The following COL27A1 variants were observed in gnomAD, a reference collection of about 807,000 sequenced individuals.
The protein encoded by COL27A1 is collagen type XXVII alpha 1 chain, also known as collagen alpha-1(XXVII) chain.
Under a neutral mutation model 251.3 loss-of-function variants are expected in COL27A1, and 106 were observed. That is an observed-to-expected ratio of 0.42 (90% CI 0.36 to 0.50). The LOEUF (loss-of-function observed/expected upper bound fraction) is 0.50, where lower values mean the gene tolerates loss of function less well. Among genes scored for constraint, COL27A1 ranks in the 20% least tolerant of loss-of-function variants. The probability of loss-of-function intolerance (pLI) is 0.00; values close to 1 mark genes in which losing one functional copy is unlikely to be tolerated. For synonymous variants in COL27A1, 1,000 were observed against 986.3 expected, an observed-to-expected ratio of 1.01 and a Z score of -0.26; for missense variants, 2,325 against 2,522.8, an observed-to-expected ratio of 0.92 and a Z score of 1.68.
At chr9:114,252,148 C>T (rs1215508581) in intron 25 of COL27A1, among the ~76,000 whole-genome samples, 1 of 152,214 alleles carries the variant, frequency 6.6e-6, no homozygotes. Context: ...AGTTATGTCT[C>T]TGATTCTCTA....
intron 7 of COL27A1, among the ~76,000 whole-genome samples, chr9:114,197,096 G>A (rs1049815263): frequency 2.0e-5 from 3 of 152,210 alleles, no homozygotes; most frequent in Non-Finnish European, 2.9e-5. Flanking sequence ...TGCAGACTAA[G>A]GATCGATTGC....
chr9:114,273,515 C>G (rs1475146389), intron 36 of COL27A1: 2 of 152,308 alleles, frequency 1.3e-5, no homozygotes, highest in Non-Finnish European at 2.9e-5. Flanking sequence ...TCAGCAGGCC[C>G]AGCTTGAAGC....
chr9:114,292,450 A>T (rs1333332711), intron 49 of COL27A1, among the ~76,000 whole-genome samples: 2 of 152,150 alleles, frequency 1.3e-5, no homozygotes, highest in African/African-American at 4.8e-5. Context: ...CAGAATGAGG[A>T]GAGGGTGATC....
intron 9 of COL27A1, 148 bp downstream of exon 9, chr9:114,205,960 G>A (rs780713721): frequency 3.1e-5 from 22 of 721,040 alleles, no homozygotes; most frequent in Non-Finnish European, 4.3e-5. Context: ...CAGGGGACTG[G>A]ACCAAGGAAG....
At chr9:114,178,149 G>A in intron 3 of COL27A1, 142 bp from the exon 4 acceptor site, 1 of 652,086 alleles carries the variant, frequency 1.5e-6, no homozygotes, top group South Asian at 2.0e-5. Context: ...ATTTCTCAGG[G>A]CAGGGACCTC....
rs1829909865 is a variant in COL27A1 at position 114,205,787 on chromosome 9, G to A, written c.2198G>A (p.Gly733Glu). 1 of 1,613,730 alleles carries A rather than the reference G, an allele frequency of 6.2e-7. No homozygotes were observed. The highest frequency in any genetic ancestry group is 1.1e-5 in the South Asian group (1 of 91,046). ...CAGCCAGGACCTGAGGGCAGCCCAG[G>A]GGCCAAAGGTTACCCTGGCAGGCAG... ...QGQPGPEGSP[G>E]AKGYPGRQGL... is the part of the protein sequence containing the mutation. The change falls in exon 9 of 61, where the codon GGG becomes GAG. Residue 733 changes from glycine to glutamate, a missense_variant. Gly to Glu is a moderately conservative substitution (Grantham distance 98, BLOSUM62 -2). Coordinates refer to ENST00000356083, the MANE Select transcript of COL27A1 (RefSeq NM_032888.4).
At chr9:114,166,565 A>T (rs781147362) in intron 2 of COL27A1, among the ~76,000 whole-genome samples, 16 of 152,184 alleles carry the variant, frequency 1.1e-4, no homozygotes, top group Non-Finnish European at 1.3e-4. Context: ...ATAGGGAGAG[A>T]GCATTCAGTA....
At chr9:114,258,122 G>A (rs946655574) in intron 27 of COL27A1, among the ~76,000 whole-genome samples, 8 of 152,164 alleles carry the variant, frequency 5.3e-5, no homozygotes, top group East Asian at 1.9e-4. Context: ...ACTTGAGCCC[G>A]GAGCTCAAGG....
At chr9:114,295,848 A>G (rs1227887956) in intron 49 of COL27A1, among the ~76,000 whole-genome samples, 3 of 152,138 alleles carry the variant, frequency 2.0e-5, no homozygotes, top group Admixed American at 2.0e-4. Flanking sequence ...GGGTTTCTCT[A>G]TGTTGGTCAG....
At chr9:114,263,446 A>AC (rs1588812278) in intron 28 of COL27A1, among the ~76,000 whole-genome samples, 1 of 149,964 alleles carries the variant, frequency 6.7e-6, no homozygotes, top group East Asian at 2.0e-4. Context: ...ACTGCTTGAG[A>AC]CCCCCTAGAG....
chr9:114,222,252 A>G lies in COL27A1; in HGVS notation c.2451A>G (p.Gly817=). ...PGELGLPGPP[G]VPGLIGDLGV... ...AACTGGGCCTGCCAGGCCCCCCTGG[A>G]GTCCCCGGCCTCATTGTAAGTACAT... The change falls in exon 14 of 61, where the codon GGA becomes GGG. Residue 817 remains glycine, a synonymous_variant. Coordinates refer to ENST00000356083, the MANE Select transcript of COL27A1 (RefSeq NM_032888.4). The G allele has an allele frequency of 6.2e-7, 1 of 1,613,796 alleles. No homozygotes were observed. Among genetic ancestry groups the G allele is most frequent in the Non-Finnish European group, 8.5e-7 (1 of 1,179,728 alleles).
rs754759509 is a variant in COL27A1 at position 114,300,662 on chromosome 9, G to A, written c.4676G>A (p.Gly1559Asp). 2 of 1,515,068 alleles carry A rather than the reference G, an allele frequency of 1.3e-6. No homozygotes were observed. Among genetic ancestry groups the A allele is most frequent in the African/African-American group, 1.4e-5 (1 of 70,166 alleles). 93.9% of individuals were successfully genotyped at this position (1,515,068 alleles called of 1,614,324 possible). A position where few individuals can be genotyped will look rare whatever the true frequency, so the allele number is the denominator to read the frequency against. Residue 1559 changes from glycine (G) to aspartate (D), a missense_variant, in exon 51 of 61, where the codon GGC becomes GAC. Gly to Asp is a moderately conservative substitution (Grantham distance 94). Around this residue, in one of 4 missense-constraint regions of COL27A1, gnomAD observed 327 missense variants for 442.8 expected, o/e 0.74. Transcript: ENST00000356083. ...PGDIGFKGIQ[G>D]PRGPPGLMGK... Reference sequence around the variant, plus strand: ...GACATTGGCTTCAAAGGCATCCAGGGCCCTCGGGGGCCACCTGGCTTGATG... The same window carrying A: ...GACATTGGCTTCAAAGGCATCCAGGACCCTCGGGGGCCACCTGGCTTGATG...
At chr9:114,267,075 A>G (rs1024552558) in intron 33 of COL27A1, among the ~76,000 whole-genome samples, 21 of 152,200 alleles carry the variant, frequency 1.4e-4, no homozygotes, top group African/African-American at 4.6e-4. Flanking sequence ...GGCTGCAGCC[A>G]TGCCCACGGT....
At chr9:114,197,551 G>C (rs183321242) in intron 7 of COL27A1, among the ~76,000 whole-genome samples, 2 of 152,174 alleles carry the variant, frequency 1.3e-5, no homozygotes, top group African/African-American at 4.8e-5. Flanking sequence ...GCAGCCTCGG[G>C]TGGTCTTGTT....
Position 114,167,902 on chromosome 9 carries a change from C to T in COL27A1, c.347C>T (p.Ala116Val), listed in dbSNP as rs1461147675. The T allele has an allele frequency of 3.1e-6, 5 of 1,612,704 alleles. No homozygotes were observed. The highest frequency in any genetic ancestry group is 4.2e-6 in the Non-Finnish European group (5 of 1,179,840). The change falls in exon 3 of 61, where the codon GCT becomes GTT. Residue 116 changes from alanine (A) to valine (V), a missense_variant. By Grantham distance (64) the Ala-to-Val change is moderately conservative (BLOSUM62 0). This residue lies in a region of COL27A1 where 1,183 missense variants were observed against 1,144.1 expected (regional missense o/e 1.03). Transcript: ENST00000356083. The part of the protein sequence containing the change: ...SHRVNHAFLF[A>V]VRSQKRKLQL... ...CGGGTGAACCATGCCTTCCTCTTCG[C>T]TGTCCGCAGCCAGAAACGCAAGCTG...
chr9:114,270,803 G>A (rs1314868768), intron 36 of COL27A1, 22 bp downstream of exon 36: 1 of 1,600,714 alleles, frequency 6.2e-7, no homozygotes. Context: ...TTTAGGGCAG[G>A]GCCTGGGGAC....
chr9:114,275,890 C>G, intron 37 of COL27A1, 122 bp downstream of exon 37: 1 of 625,210 alleles, frequency 1.6e-6, no homozygotes, highest in Non-Finnish European at 2.8e-6. Context: ...TGCTGTGGTC[C>G]TTTCTCCACC....
At position 114,183,265 on chromosome 9, in the gene COL27A1, C is replaced by T. The variant is rs888860147; in HGVS notation, c.2016+190C>T. Among the ~76,000 whole-genome samples, 88 of 152,222 alleles carry T rather than the reference C, an allele frequency of 5.8e-4. 2 individuals are homozygous for T. Among genetic ancestry groups the T allele is most frequent in the South Asian group, 4.1e-4 (2 of 4,824 alleles). The stretch of plus-strand genomic sequence containing the variant: ...GCCTGGTCCGGAGACACAGTGCTTC[C>T]GTCTGGGAGAGACTTGGGAGAGTCG... On this transcript the variant is annotated intron_variant, in intron 5 of 60. Transcript: ENST00000356083.
At chr9:114,301,945 C>T in intron 55 of COL27A1, 137 bp from the exon 56 acceptor site, 1 of 999,764 alleles carries the variant, frequency 1.0e-6, no homozygotes, top group South Asian at 1.5e-5. Context: ...CCACTGGGGC[C>T]CACCAAGCCT....
Sources: gnomAD v4.1 joint callset for allele counts (sites outside exome capture counted in the v4.1 genomes callset) on GRCh38, gnomAD v4.1.1 for gene constraint, gnomAD v4.1.1 regional missense constraint, MANE v1.5 for transcripts, NCBI Gene and HGNC (gene_info 2026-07-23, HGNC 2026-07-21) for gene names.